Variants in RAP1A observed in about 807,000 individuals in gnomAD.
The protein encoded by RAP1A is RAP1A, member of RAS oncogene family, also known as ras-related protein Rap-1A.
In RAP1A, 6 loss-of-function variants were observed where a neutral mutation model predicts 26.4. The ratio of observed to expected loss-of-function variants is 0.23; its 90% CI spans 0.12 to 0.45. The LOEUF (loss-of-function observed/expected upper bound fraction) is 0.45. Among genes scored for constraint, RAP1A ranks in the 20% least tolerant of loss-of-function variants. The probability of loss-of-function intolerance (pLI) is 0.99; values close to 1 mark genes in which losing one functional copy is unlikely to be tolerated. For synonymous variants in RAP1A, 73 were observed against 79.4 expected (o/e 0.92, Z 0.43); for missense variants, 121 against 217.2 (o/e 0.56, Z 2.78).
intron 1 of RAP1A, among the ~76,000 whole-genome samples, chr1:111,627,011 G>A (rs1279981476): frequency 6.6e-6 from 1 of 152,112 alleles, no homozygotes; most frequent in Non-Finnish European, 1.5e-5. Context: ...CGTTTTCTTT[G>A]CACTAGGAAA....
chr1:111,648,971 G>C, intron 1 of RAP1A: 1 of 647,148 alleles, frequency 1.5e-6, no homozygotes, highest in Non-Finnish European at 2.9e-6. Flanking sequence ...TGAGAGCCTC[G>C]ATCTCTGGCT....
chr1:111,562,454 G>T (rs1657778233), intron 1 of RAP1A, among the ~76,000 whole-genome samples: 1 of 152,120 alleles, frequency 6.6e-6, no homozygotes, highest in Admixed American at 6.5e-5. Context: ...ATCATTATTG[G>T]TCATGTACAC....
chr1:111,642,418 A>G (rs1195074181), intron 1 of RAP1A, among the ~76,000 whole-genome samples: 1 of 152,048 alleles, frequency 6.6e-6, no homozygotes, highest in African/African-American at 2.4e-5. Context: ...TCTATTTTCT[A>G]ACATTTCTTA....
At position 111,714,673 on chromosome 1, in the gene RAP1A, T is replaced by C. The variant is rs1467607062; in HGVS notation, c.*2272T>C. The C allele has an allele frequency of 2.0e-5, 3 of 152,224 alleles. No individual in the cohort carries two copies. Among genetic ancestry groups the C allele is most frequent in the Non-Finnish European group, 4.4e-5 (3 of 68,056 alleles). The allele number at this position is 152,224 out of a possible 1,614,324, so 9.4% of individuals were successfully genotyped here. ...AGCTGAAGTCAGATGTGCAAGGAAA[T>C]CTGTGGTTGCTGAGCAGGATGAAAA... On this transcript the variant is annotated 3_prime_UTR_variant, in exon 8 of 8. Transcript: ENST00000369709.
chr1:111,627,410 A>G (rs1040633416), intron 1 of RAP1A: 1 of 151,734 alleles, frequency 6.6e-6, no homozygotes, highest in Non-Finnish European at 1.5e-5. Flanking sequence ...TAACACTGGG[A>G]CAGACATTTT....
chr1:111,634,249 C>T (rs1482308927), intron 1 of RAP1A, among the ~76,000 whole-genome samples: 1 of 152,098 alleles, frequency 6.6e-6, no homozygotes, highest in Admixed American at 6.5e-5. Flanking sequence ...TCTCTTCCCT[C>T]CCTGGTTAAT....
At chr1:111,625,306 C>T (rs911217124) in intron 1 of RAP1A, among the ~76,000 whole-genome samples, 3 of 151,654 alleles carry the variant, frequency 2.0e-5, no homozygotes, top group South Asian at 2.1e-4. Flanking sequence ...AGCTGTCTTT[C>T]GTTTTTTAAC....
chr1:111,664,421 A>G (rs1660741479), intron 1 of RAP1A, among the ~76,000 whole-genome samples: 1 of 151,000 alleles, frequency 6.6e-6, no homozygotes, highest in Non-Finnish European at 1.5e-5. Context: ...CCACATATGT[A>G]CTAAGTCCTT....
At chr1:111,569,219 A>G (rs954814976) in intron 1 of RAP1A, among the ~76,000 whole-genome samples, 3 of 151,920 alleles carry the variant, frequency 2.0e-5, no homozygotes, top group Admixed American at 6.6e-5. Flanking sequence ...TGAGCAACAT[A>G]GTGAAACCCT....
At chr1:111,695,574 A>G (rs754235580) in intron 3 of RAP1A, among the ~76,000 whole-genome samples, 165 bp downstream of exon 3, 1 of 152,180 alleles carries the variant, frequency 6.6e-6, no homozygotes, top group Non-Finnish European at 1.5e-5. Context: ...ACAGAATACT[A>G]CTTTGATATT....
chr1:111,642,787 T>TC (rs537689892), intron 1 of RAP1A, among the ~76,000 whole-genome samples: 5 of 24,790 alleles, frequency 2.0e-4, no homozygotes, highest in Admixed American at 7.7e-4. Context: ...GTGCCCAGCC[T>TC]TTTTTTTTTT....
chr1:111,602,817 C>T lies in RAP1A; in HGVS notation c.-28+60308C>T, dbSNP rs1019652816. ...AGGAAAATCTACCCCAGTATCTACA[C>T]GTTATGCCCCTTTCCAAAGTTGAAG... is the stretch of plus-strand genomic sequence containing the variant. On this transcript the variant is annotated intron_variant, in intron 1 of 7. Coordinates refer to the RAP1A transcript ENST00000356415. Among the ~76,000 whole-genome samples, 129 of 152,320 alleles carry T rather than the reference C, an allele frequency of 8.5e-4. 1 individual carries two copies. Among genetic ancestry groups the T allele is most frequent in the African/African-American group, 3.0e-3 (123 of 41,554 alleles).
chr1:111,569,541 C>G (rs1450010729), intron 1 of RAP1A, among the ~76,000 whole-genome samples: 1 of 151,984 alleles, frequency 6.6e-6, no homozygotes, highest in Non-Finnish European at 1.5e-5. Context: ...CCAGGCAAAT[C>G]AAGTTCTGTC....
At chr1:111,631,871 T>C (rs1659577575) in intron 1 of RAP1A, among the ~76,000 whole-genome samples, 1 of 151,904 alleles carries the variant, frequency 6.6e-6, no homozygotes. Flanking sequence ...TCTTGGGCTT[T>C]GTTAACTGAG....
chr1:111,549,362 G>A (rs937571575), intron 1 of RAP1A, among the ~76,000 whole-genome samples: 7 of 143,460 alleles, frequency 4.9e-5, no homozygotes, highest in African/African-American at 1.6e-4. Context: ...TTTAAAACAT[G>A]GTCGGGCTGG....
At chr1:111,707,010 G>T (rs967111886) in intron 6 of RAP1A, among the ~76,000 whole-genome samples, 2 of 152,190 alleles carry the variant, frequency 1.3e-5, no homozygotes, top group South Asian at 4.1e-4. Flanking sequence ...AGCACATTGA[G>T]TTCTTGAAGT....
Position 111,653,230 on chromosome 1 carries a change from T to G in RAP1A, c.-28+33296T>G, listed in dbSNP as rs118136111. Among the ~76,000 whole-genome samples, 434 of 152,154 alleles carry G rather than the reference T, an allele frequency of 2.9e-3. 13 individuals carry two copies. The East Asian group carries it at 0.056, about 20-fold the overall frequency. On this transcript the variant is annotated intron_variant, in intron 1 of 7. Transcript: ENST00000369709. The stretch of plus-strand genomic sequence containing the variant: ...AAATCTTTAGAGACAGTAAGTAGAT[T>G]AGTGGTTGCCAGAGACTGTAGGGAG...
intron 1 of RAP1A, among the ~76,000 whole-genome samples, chr1:111,663,365 C>T (rs1412295496): frequency 1.3e-5 from 2 of 152,196 alleles, no homozygotes; most frequent in Non-Finnish European, 2.9e-5. Context: ...TTTGATTATA[C>T]TGCCTCCTGA....
intron 6 of RAP1A, among the ~76,000 whole-genome samples, chr1:111,705,363 T>A (rs936719169): frequency 2.6e-5 from 4 of 152,212 alleles, no homozygotes; most frequent in African/African-American, 9.6e-5. Context: ...TTATGAGTCC[T>A]CTGTTTTTGC....
Sources: gnomAD v4.1 joint callset for allele counts (sites outside exome capture counted in the v4.1 genomes callset) on GRCh38, gnomAD v4.1.1 for gene constraint, MANE v1.5 for transcripts, NCBI Gene and HGNC (gene_info 2026-07-23, HGNC 2026-07-21) for gene names.